Variants in PCDHA8 observed in about 807,000 individuals in gnomAD.
The protein encoded by PCDHA8 is protocadherin alpha-8.
Under a neutral mutation model 61.8 loss-of-function variants are expected in PCDHA8, and 53 were observed. The ratio of observed to expected loss-of-function variants is 0.86; its 90% CI spans 0.69 to 1.08. The LOEUF is 1.08. Among genes scored for constraint, PCDHA8 ranks in the 50% least tolerant of loss-of-function variants. The pLI is 0.00. For synonymous variants in PCDHA8, 618 were observed against 556.6 expected (o/e 1.11, Z -1.55); for missense variants, 1,293 against 1,245.0 (o/e 1.04, Z -0.58).
chr5:140,851,439 G>C (rs2042060539), intron 1 of PCDHA8: 1 of 927,140 alleles, frequency 1.1e-6, no homozygotes, highest in African/African-American at 1.8e-5. Flanking sequence ...GAAAACAGTT[G>C]CTCCACTTTA....
At chr5:140,966,839 C>T (rs782091529) in intron 1 of PCDHA8, 14 of 1,567,058 alleles carry the variant, frequency 8.9e-6, no homozygotes, top group Non-Finnish European at 1.1e-5. Flanking sequence ...CTGGCTGCTG[C>T]TACTGCCTCT....
chr5:140,939,018 T>G (rs1554212547), intron 1 of PCDHA8, among the ~76,000 whole-genome samples: 1 of 152,228 alleles, frequency 6.6e-6, no homozygotes, highest in Non-Finnish European at 1.5e-5. Context: ...TTACTTTTCT[T>G]TTACTTATTC....
intron 1 of PCDHA8, chr5:140,865,753 A>T (rs894037976): frequency 2.6e-5 from 4 of 152,218 alleles, no homozygotes; most frequent in Admixed American, 1.3e-4. Flanking sequence ...CAGTGCCAGT[A>T]CATGGTGGAG....
intron 1 of PCDHA8, chr5:140,875,473 A>T: frequency 1.2e-6 from 2 of 1,606,460 alleles, no homozygotes; most frequent in Non-Finnish European, 1.7e-6. Flanking sequence ...ATTTTCTGCA[A>T]TGGTGATTAT....
chr5:140,883,147 T>C, intron 1 of PCDHA8: 2 of 1,614,064 alleles, frequency 1.2e-6, no homozygotes, highest in Non-Finnish European at 1.7e-6. Context: ...TATATGCATT[T>C]ACCATAAATC....
chr5:140,940,073 A>G (rs1197351000), intron 1 of PCDHA8, among the ~76,000 whole-genome samples: 1 of 152,182 alleles, frequency 6.6e-6, no homozygotes, highest in Non-Finnish European at 1.5e-5. Context: ...AATATGTGAT[A>G]TCTTTCTGCT....
chr5:140,850,665 T>TCGGCGATGCC, intron 1 of PCDHA8: 1 of 1,598,290 alleles, frequency 6.3e-7, no homozygotes, highest in African/African-American at 1.3e-5. Context: ...GCTGCGGTGC[T>TCGGCGATGCC]CGGCGATGCC....
intron 1 of PCDHA8, among the ~76,000 whole-genome samples, chr5:140,959,927 C>A (rs1554224406): frequency 6.6e-6 from 1 of 152,038 alleles, no homozygotes; most frequent in African/African-American, 2.4e-5. Flanking sequence ...TTGTAAAGCC[C>A]CATTACTTAG....
intron 1 of PCDHA8, chr5:140,875,367 T>G: frequency 6.9e-7 from 1 of 1,449,166 alleles, no homozygotes; most frequent in Non-Finnish European, 9.1e-7. Flanking sequence ...CTGGAAAAAA[T>G]TTACTAAATA....
At position 140,841,344 on chromosome 5, in the gene PCDHA8, A is replaced by G; in HGVS notation, c.23A>G (p.Glu8Gly). Residue 8 changes from glutamate (E) to glycine (G), a missense_variant, in exon 1 of 4, where the codon GAG becomes GGG. Transcript: ENST00000531613. MDYHWRG[E>G]LGSWRLLLLL... ...AACATGGATTATCACTGGCGAGGAG[A>G]GCTGGGATCCTGGCGACTACTACTC... 5 of 1,612,282 alleles carry G rather than the reference A, an allele frequency of 3.1e-6. No homozygotes were observed. Among genetic ancestry groups the G allele is most frequent in the Non-Finnish European group, 4.2e-6 (5 of 1,178,904 alleles).
intron 1 of PCDHA8, chr5:140,878,061 AT>A (rs2057460632): frequency 2.4e-6 from 1 of 424,416 alleles, no homozygotes; most frequent in Non-Finnish European, 3.8e-6. Context: ...CACACTTAAT[AT>A]TTTTCTTTTT....
intron 1 of PCDHA8, chr5:140,871,382 A>G (rs781900960): frequency 1.2e-6 from 2 of 1,614,188 alleles, no homozygotes; most frequent in South Asian, 2.2e-5. Flanking sequence ...GTGTGCTCTG[A>G]GGAGGGCCCA....
chr5:140,962,269 T>A (rs1554225906), intron 1 of PCDHA8, among the ~76,000 whole-genome samples: 1 of 152,194 alleles, frequency 6.6e-6, no homozygotes, highest in Non-Finnish European at 1.5e-5. Flanking sequence ...TTTTATAATT[T>A]AAAAAACCTC....
intron 1 of PCDHA8, among the ~76,000 whole-genome samples, chr5:140,943,498 A>T (rs2093507311): frequency 6.6e-6 from 1 of 152,164 alleles, no homozygotes; most frequent in Admixed American, 6.6e-5. Flanking sequence ...GATGCTATCA[A>T]GGTTCATGGA....
intron 1 of PCDHA8, chr5:140,968,681 A>G: frequency 1.9e-6 from 3 of 1,614,158 alleles, no homozygotes; most frequent in Non-Finnish European, 2.5e-6. Context: ...AGAGCTGCAC[A>G]CAGGAGAAAT....
At chr5:140,892,445 T>C (rs1177566356) in intron 1 of PCDHA8, among the ~76,000 whole-genome samples, 1 of 152,214 alleles carries the variant, frequency 6.6e-6, no homozygotes, top group Non-Finnish European at 1.5e-5. Context: ...AAAATTTACA[T>C]GTATTCTTTA....
chr5:140,870,857 G>C, intron 1 of PCDHA8: 1 of 1,613,916 alleles, frequency 6.2e-7, no homozygotes. Context: ...CGGTCGGTGG[G>C]TGCGGGCCAC....
chr5:140,949,958 T>G (rs1192385409), intron 1 of PCDHA8, among the ~76,000 whole-genome samples: 1 of 151,896 alleles, frequency 6.6e-6, no homozygotes, highest in Non-Finnish European at 1.5e-5. Context: ...GTGGTTGCTG[T>G]AAGGATTACA....
Position 140,842,658 on chromosome 5 carries a change from C to G in PCDHA8, c.1337C>G (p.Ala446Gly), listed in dbSNP as rs2150341323. 21 of 1,595,206 alleles carry G rather than the reference C, an allele frequency of 1.3e-5. 2 individuals are homozygous for G. The highest frequency in any genetic ancestry group is 2.7e-5 in the African/African-American group (2 of 74,162). Residue 446 changes from alanine to glycine, a missense_variant, in exon 1 of 4, where the codon GCC becomes GGC. Ala to Gly is a moderately conservative substitution (Grantham distance 60, BLOSUM62 0). Transcript: ENST00000531613. ...ACCGCCAGCTTGTCTGTGGAGGTGG[C>G]CGACGTGAACGACAATGCTCCGGCG... ...WATASLSVEV[A>G]DVNDNAPAFA...
Sources: allele counts gnomAD v4.1 joint callset (sites outside exome capture counted in the v4.1 genomes callset), GRCh38; gene constraint gnomAD v4.1.1; transcripts MANE v1.5; gene names NCBI Gene and HGNC (gene_info 2026-07-23, HGNC 2026-07-21).